The following ANKRD33 variants were observed in gnomAD, a reference collection of about 807,000 sequenced individuals.
ANKRD33 encodes photoreceptor ankyrin repeat protein.
Under a neutral mutation model 20.6 loss-of-function variants are expected in ANKRD33, and 20 were observed. The ratio of observed to expected loss-of-function variants is 0.97; its 90% CI spans 0.68 to 1.41. The LOEUF is 1.41. Among genes scored for constraint, ANKRD33 ranks in the 40% most tolerant of loss-of-function variants. ANKRD33 has a pLI of 0.00. For synonymous variants in ANKRD33, 246 were observed against 245.0 expected (o/e 1.00, Z -0.04); for missense variants, 545 against 579.6 (o/e 0.94, Z 0.61).
At position 51,890,572 on chromosome 12, in the gene ANKRD33, G is replaced by A. The variant is rs1592212727; in HGVS notation, c.638-12G>A. On this transcript the variant is annotated splice_polypyrimidine_tract_variant and intron_variant, in intron 4 of 4. Coordinates refer to ENST00000301190, the MANE Select transcript of ANKRD33 (RefSeq NM_182608.4). The stretch of plus-strand genomic sequence containing the variant: ...TATCCCGCCCCATGTCACCCCCTGT[G>A]CTCCTTCCCAGGTGCTGACCTGACA... 1.2e-6 allele frequency: 2 copies of A among 1,607,668 alleles called. No homozygotes were observed. The highest frequency in any genetic ancestry group is 4.5e-5 in the East Asian group (2 of 44,828).
intron 4 of ANKRD33, 111 bp from the exon 5 acceptor site, chr12:51,890,473 A>T (rs1565584520): frequency 6.5e-7 from 1 of 1,535,750 alleles, no homozygotes; most frequent in South Asian, 1.2e-5. Flanking sequence ...ACAGGATGGG[A>T]CTCTATGGCT....
At position 51,888,160 on chromosome 12, in the gene ANKRD33, G is replaced by C; in HGVS notation, c.-27G>C. 6.2e-7 allele frequency: 1 copy of C among 1,612,664 alleles called. No individual in the cohort carries two copies. The highest frequency in any genetic ancestry group is 1.1e-5 in the South Asian group (1 of 91,038). On this transcript the variant is annotated 5_prime_UTR_variant, in exon 1 of 5. Transcript: ENST00000301190. Reference sequence around the variant, plus strand: ...AGTCCCAGCTGCTTGATCCGGCTCAGCCCCGAGGTGTTTGCAGCAGCTCTT... The same window carrying C: ...AGTCCCAGCTGCTTGATCCGGCTCACCCCCGAGGTGTTTGCAGCAGCTCTT...
Position 51,888,124 on chromosome 12 carries a change from C to G in ANKRD33, c.-63C>G. The G allele has an allele frequency of 6.3e-7, 1 of 1,589,178 alleles. No individual in the cohort carries two copies. Among genetic ancestry groups the G allele is most frequent in the Non-Finnish European group, 8.6e-7 (1 of 1,166,222 alleles). On this transcript the variant is annotated 5_prime_UTR_variant, in exon 1 of 5. Transcript: ENST00000301190. ...TCCTGAGACGTGACCACCCGCCCCGCATGGGGCCCCAGTCCCAGCTGCTTG... is the reference window on the plus strand; with the variant it reads ...TCCTGAGACGTGACCACCCGCCCCGGATGGGGCCCCAGTCCCAGCTGCTTG...
chr12:51,890,602 T>C lies in ANKRD33; in HGVS notation c.656T>C (p.Val219Ala). Residue 219 changes from valine (V) to alanine (A), a missense_variant, in exon 5 of 5, where the codon GTG (valine) becomes GCG (alanine). Val to Ala is a moderately conservative substitution (Grantham distance 64). Coordinates refer to ENST00000301190, the MANE Select transcript of ANKRD33 (RefSeq NM_182608.4). ...MRNRCADLTA[V>A]DPVRGKTALE... ...TTCCCAGGTGCTGACCTGACAGCAG[T>C]GGACCCTGTTCGGGGCAAGACGGCC... 1.2e-6 allele frequency: 2 copies of C among 1,610,852 alleles called. No homozygotes were observed. The highest frequency in any genetic ancestry group is 1.7e-6 in the Non-Finnish European group (2 of 1,179,846).
chr12:51,889,645 C>T lies in ANKRD33; in HGVS notation c.637+163C>T, dbSNP rs571037684. On this transcript the variant is annotated intron_variant, in intron 4 of 4. Coordinates refer to ENST00000301190, the MANE Select transcript of ANKRD33 (RefSeq NM_182608.4). ...TGGGGGATCAATCTAGTTCACCTTC[C>T]TGGAGGGGGGGGCACATGATTTGGG... is the stretch of plus-strand genomic sequence containing the variant. 453 of 1,309,182 alleles carry T rather than the reference C, an allele frequency of 3.5e-4. 1 individual carries two copies. The highest frequency in any genetic ancestry group is 2.9e-4 in the Non-Finnish European group (289 of 981,822). The allele number at this position is 1,309,182 out of a possible 1,614,324, so 81.1% of individuals were successfully genotyped here.
At chr12:51,888,841 A>G (rs771300809) in intron 2 of ANKRD33, 23 bp downstream of exon 2, 1 of 1,610,912 alleles carries the variant, frequency 6.2e-7, no homozygotes, top group South Asian at 1.1e-5. Context: ...GGCTTCCCAG[A>G]ACAGCTGGGG....
chr12:51,888,393 C>T (rs1330995646), intron 1 of ANKRD33, 62 bp downstream of exon 1: 25 of 1,605,350 alleles, frequency 1.6e-5, no homozygotes, highest in Non-Finnish European at 2.0e-5. Context: ...TAGAGTGAAC[C>T]CTGCTTGCTT....
At position 51,888,725 on chromosome 12, in the gene ANKRD33, G is replaced by A. The variant is rs1354228766; in HGVS notation, c.303G>A (p.Trp101Ter). The change falls in exon 2 of 5, where the codon TGG becomes TGA. Residue 101 changes from tryptophan to a stop codon, truncating the protein, a stop_gained. Coordinates refer to ENST00000301190, the MANE Select transcript of ANKRD33 (RefSeq NM_182608.4). LOFTEE classifies it high-confidence loss of function. ...TPGCRLGALY[W>*]ACVHNDPTQL... ...GCTGCAGGCTGGGGGCCCTGTATTG[G>A]GCCTGTGTCCACAATGATCCCACCC... 4 of 1,613,944 alleles carry A rather than the reference G, an allele frequency of 2.5e-6. No individual in the cohort carries two copies. The highest frequency in any genetic ancestry group is 3.4e-6 in the Non-Finnish European group (4 of 1,180,014).
chr12:51,890,469 T>C (rs1223472900), intron 4 of ANKRD33, 115 bp from the exon 5 acceptor site: 2 of 1,535,642 alleles, frequency 1.3e-6, no homozygotes, highest in Non-Finnish European at 1.7e-6. Flanking sequence ...TTCAACAGGA[T>C]GGGACTCTAT....
intron 1 of ANKRD33, 100 bp downstream of exon 1, chr12:51,888,431 T>C (rs1219949429): frequency 6.3e-7 from 1 of 1,581,214 alleles, no homozygotes; most frequent in Non-Finnish European, 8.6e-7. Context: ...GCTTGTCCTT[T>C]CTCAGGGTGG....
At position 51,890,583 on chromosome 12, in the gene ANKRD33, G is replaced by A. The variant is rs760357970; in HGVS notation, c.638-1G>A. 9 of 1,609,772 alleles carry A rather than the reference G, an allele frequency of 5.6e-6. No individual in the cohort carries two copies. In the East Asian group the frequency reaches 1.6e-4, roughly 28 times the overall value. On this transcript the variant is annotated splice_acceptor_variant, in intron 4 of 4. Transcript: ENST00000301190. LOFTEE classifies it high-confidence loss of function. ...ATGTCACCCCCTGTGCTCCTTCCCAGGTGCTGACCTGACAGCAGTGGACCC... is the reference window on the plus strand; with the variant it reads ...ATGTCACCCCCTGTGCTCCTTCCCAAGTGCTGACCTGACAGCAGTGGACCC...
Position 51,889,478 on chromosome 12 carries a change from C to T in ANKRD33, c.633C>T (p.Asn211=), listed in dbSNP as rs530025755. Residue 211 remains asparagine, a synonymous_variant, in exon 4 of 5, where the codon AAC becomes AAT. Coordinates refer to ENST00000301190, the MANE Select transcript of ANKRD33 (RefSeq NM_182608.4). ...LTALMKAAMR[N]RCADLTAVDP... ...CGTTAATGAAGGCTGCCATGCGGAA[C>T]CGCTGTGAGTGCGTGGCCACCCTCC... 6.2e-7 allele frequency: 1 copy of T among 1,613,932 alleles called. No homozygotes were observed. Among genetic ancestry groups the T allele is most frequent in the East Asian group, 2.2e-5 (1 of 44,878 alleles).
At chr12:51,890,280 G>A in intron 4 of ANKRD33, 1 of 565,796 alleles carries the variant, frequency 1.8e-6, no homozygotes, top group Admixed American at 2.5e-5. Context: ...TCAGGCCTCT[G>A]CCTGTCCTGG....
chr12:51,890,339 T>C, intron 4 of ANKRD33: 1 of 962,802 alleles, frequency 1.0e-6, no homozygotes, highest in Non-Finnish European at 1.6e-6. Flanking sequence ...AGGAGATCCC[T>C]ATTCTGCCCT....
rs138941706 is a variant in ANKRD33, at chr12:51,891,130, C to T, written c.1184C>T (p.Pro395Leu). The T allele has an allele frequency of 4.3e-6, 7 of 1,614,226 alleles. No individual in the cohort carries two copies. The Admixed American group carries it at 1.2e-4, about 27-fold the overall frequency. The stretch of plus-strand genomic sequence containing the variant: ...CTACAACCCAGGGATAGCACCAGCC[C>T]CAGGCCCCAAGTCCCCAAGATCCTC... Reference protein sequence around the residue: ...QWLQPRDSTSPRPQVPKILLS... With the variant: ...QWLQPRDSTSLRPQVPKILLS... The change falls in exon 5 of 5, where the codon CCC (proline) becomes CTC (leucine). Residue 395 changes from proline (P) to leucine (L), a missense_variant. By Grantham distance (98) the Pro-to-Leu change is moderately conservative (BLOSUM62 -3). Coordinates refer to ENST00000301190, the MANE Select transcript of ANKRD33 (RefSeq NM_182608.4).
rs756080470 is a variant in ANKRD33 at position 51,888,168 on chromosome 12, G to C, written c.-19G>C. On this transcript the variant is annotated 5_prime_UTR_variant, in exon 1 of 5. Coordinates refer to ENST00000301190, the MANE Select transcript of ANKRD33 (RefSeq NM_182608.4). ...CTGCTTGATCCGGCTCAGCCCCGAG[G>C]TGTTTGCAGCAGCTCTTTATGAAAG... The C allele has an allele frequency of 3.1e-6, 5 of 1,613,202 alleles. No homozygotes were observed. The highest frequency in any genetic ancestry group is 4.2e-6 in the Non-Finnish European group (5 of 1,179,562).
intron 4 of ANKRD33, chr12:51,889,792 G>A (rs948024416): frequency 1.1e-5 from 5 of 442,634 alleles, no homozygotes; most frequent in African/African-American, 1.0e-4. Flanking sequence ...AAAAAGGCTG[G>A]CATCTGGAAC....
Position 51,888,252 on chromosome 12 carries a change from C to T in ANKRD33, c.66C>T (p.Phe22=), listed in dbSNP as rs1368479195. The part of the protein sequence containing the change: ...SWGGIVHLEA[F]GDPVIVLRGA... ...GAGGGATAGTCCACCTGGAGGCATT[C>T]GGAGACCCAGTGATTGTGCTCCGCG... Residue 22 remains phenylalanine (F), a synonymous_variant, in exon 1 of 5, where the codon TTC becomes TTT. Transcript: ENST00000301190. 5 of 1,613,878 alleles carry T rather than the reference C, an allele frequency of 3.1e-6. No homozygotes were observed. The highest frequency in any genetic ancestry group is 4.2e-6 in the Non-Finnish European group (5 of 1,179,938).
At position 51,888,599 on chromosome 12, in the gene ANKRD33, T is replaced by G; in HGVS notation, c.177T>G (p.Leu59=). 6.4e-7 allele frequency: 1 copy of G among 1,565,596 alleles called. No individual in the cohort carries two copies. The change falls in exon 2 of 5, where the codon CTT becomes CTG. Residue 59 remains leucine, a synonymous_variant. Coordinates refer to ENST00000301190, the MANE Select transcript of ANKRD33 (RefSeq NM_182608.4). ...GCTGCATGAGAAAAGGGACTCACCT[T>G]CTGGTTCCCTGCCTGGAAGAGGAAG... ...NASCMRKGTH[L]LVPCLEEEEL...
Sources: gnomAD v4.1 joint callset for allele counts on GRCh38, gnomAD v4.1.1 for gene constraint, MANE v1.5 for transcripts, NCBI Gene and HGNC (gene_info 2026-07-23, HGNC 2026-07-21) for gene names.